ABCC9: variants seen among roughly 807,000 people sequenced by gnomAD.
The protein encoded by ABCC9 is ATP-binding cassette sub-family C member 9.
In ABCC9, 95 loss-of-function variants were observed where a neutral mutation model predicts 188.3. The ratio of observed to expected loss-of-function variants is 0.50; its 90% confidence interval spans 0.43 to 0.60. The LOEUF (loss-of-function observed/expected upper bound fraction) is 0.60. Among genes scored for constraint, ABCC9 ranks in the 20% least tolerant of loss-of-function variants. ABCC9 has a pLI of 0.00. For missense variants in ABCC9, 1,102 were observed against 1,876.3 expected (o/e 0.59, Z 7.62); for synonymous variants, 659 against 652.7 (o/e 1.01, Z -0.15).
intron 5 of ABCC9, among the ~76,000 whole-genome samples, chr12:21,919,613 A>G (rs1190283138): frequency 2.6e-5 from 4 of 152,080 alleles, no homozygotes; most frequent in Non-Finnish European, 5.9e-5. Context: ...CTAATACAGA[A>G]ATAAATTTAT....
In ABCC9 at chr12:21,801,421, A is replaced by G. The variant is rs541578123; in HGVS notation, c.4513-240T>C. Among the ~76,000 whole-genome samples, 32 of 152,328 alleles carry G rather than the reference A, an allele frequency of 2.1e-4. 1 individual carries two copies. In the South Asian group the frequency reaches 6.6e-3, roughly 32 times the overall value. The stretch of plus-strand genomic sequence containing the variant: ...GGGCTGTACTAACTTGAGTGTAGCT[A>G]ATATATCAGCGTCATCATTTTCATG... On this transcript the variant is annotated intron_variant, in intron 39 of 39. Transcript: ENST00000261200.
chr12:21,854,339 A>G (rs925094457), intron 22 of ABCC9, among the ~76,000 whole-genome samples: 3 of 152,240 alleles, frequency 2.0e-5, no homozygotes, highest in Non-Finnish European at 2.9e-5. Flanking sequence ...TAAAGCATTT[A>G]GGAGAATCCT....
intron 35 of ABCC9, 152 bp from the exon 36 acceptor site, chr12:21,812,309 G>T: frequency 1.5e-6 from 1 of 657,208 alleles, no homozygotes; most frequent in Non-Finnish European, 2.7e-6. Flanking sequence ...CAAGTATCTA[G>T]AACTAGAAAC....
At position 21,848,166 on chromosome 12, in the gene ABCC9, C is replaced by T; in HGVS notation, c.2850G>A (p.Met950Ile). 1 of 1,613,552 alleles carries T rather than the reference C, an allele frequency of 6.2e-7. No homozygotes were observed. Among genetic ancestry groups the T allele is most frequent in the Middle Eastern group, 1.7e-4 (1 of 6,058 alleles). ...AMYSREAKAQMEDEDEEEEEE... is the reference protein window; with the variant it reads ...AMYSREAKAQIEDEDEEEEEE... ...AAGATCTACCTTCGTCTTCGTCCTC[C>T]ATCTGGGCTTTGGCTTCTCTTGAAT... Residue 950 changes from methionine to isoleucine, a missense_variant, in exon 25 of 40, where the codon ATG (methionine) becomes ATA (isoleucine). This residue lies in a region of ABCC9 where 131 missense variants were observed against 170.2 expected (regional missense o/e 0.77). Transcript: ENST00000261200.
In ABCC9 at chr12:21,862,938, T is replaced by A. The variant is rs1375576220; in HGVS notation, c.2339+15A>T. The A allele has an allele frequency of 6.5e-7, 1 of 1,542,286 alleles. No homozygotes were observed. Among genetic ancestry groups the A allele is most frequent in the East Asian group, 2.2e-5 (1 of 44,466 alleles). On this transcript the variant is annotated intron_variant, in intron 20 of 39. Coordinates refer to ENST00000261200, the MANE Select transcript of ABCC9 (RefSeq NM_020297.4). ...GTTGCCATTTTGGTTCTAAATTTTATATGCTCAAAATTACCTCTGTTTGTT... is the reference window on the plus strand; with the variant it reads ...GTTGCCATTTTGGTTCTAAATTTTAAATGCTCAAAATTACCTCTGTTTGTT...
At position 21,801,125 on chromosome 12, in the gene ABCC9, A is replaced by G. The variant is rs727504538; in HGVS notation, c.4569T>C (p.Asn1523=). 26 of 1,613,892 alleles carry G rather than the reference A, an allele frequency of 1.6e-5. No homozygotes were observed. The highest frequency in any genetic ancestry group is 2.2e-5 in the Non-Finnish European group (26 of 1,179,940). ...ADLVIVMKRG[N]ILEYDTPESL... is the part of the protein sequence containing the mutation. ...TTTCTGGAGTGTCATATTCTAAAATATTTCCTCGCTTCATCACAATAACCA... is the reference window on the plus strand; with the variant it reads ...TTTCTGGAGTGTCATATTCTAAAATGTTTCCTCGCTTCATCACAATAACCA... Residue 1523 remains asparagine, a synonymous_variant, in exon 40 of 40, where the codon AAT becomes AAC. Transcript: ENST00000261200.
At chr12:21,936,807 T>C in intron 2 of ABCC9, 113 bp from the exon 3 acceptor site, 13 of 747,134 alleles carry the variant, frequency 1.7e-5, no homozygotes, top group Non-Finnish European at 2.7e-5. Context: ...CCTTTTACTT[T>C]GATAGCTGAG....
chr12:21,884,983 AT>A (rs1946801095), intron 15 of ABCC9, among the ~76,000 whole-genome samples: 1 of 152,184 alleles, frequency 6.6e-6, no homozygotes, highest in South Asian at 2.1e-4. Flanking sequence ...ATTCTGTAAC[AT>A]TATTGCCCCC....
chr12:21,803,839 C>T (rs1941655436), intron 39 of ABCC9, among the ~76,000 whole-genome samples: 1 of 152,004 alleles, frequency 6.6e-6, no homozygotes, highest in Non-Finnish European at 1.5e-5. Context: ...GAAATAAATA[C>T]CATGGACTAT....
chr12:21,932,989 CCAT>C (rs1949346626), intron 4 of ABCC9, among the ~76,000 whole-genome samples: 1 of 68,784 alleles, frequency 1.5e-5, no homozygotes, highest in Non-Finnish European at 3.5e-5. Flanking sequence ...ACCTAAATGT[CCAT>C]CAATGATAGA....
rs1211898030 is a variant in ABCC9 at position 21,805,303 on chromosome 12, G to A, written c.4512+695C>T. 3 of 1,554,400 alleles carry A rather than the reference G, an allele frequency of 1.9e-6. No individual in the cohort carries two copies. Among genetic ancestry groups the A allele is most frequent in the Non-Finnish European group, 1.8e-6 (2 of 1,126,154 alleles). On this transcript the variant is annotated intron_variant, in intron 39 of 39. Transcript: ENST00000261200. The stretch of plus-strand genomic sequence containing the variant: ...CAAGGCCTGCATCCATAATAGAAGA[G>A]ACACGGTGCTGGAGAGAAAAATAGA...
chr12:21,851,428 G>C (rs758072743), intron 24 of ABCC9, among the ~76,000 whole-genome samples: 1 of 152,016 alleles, frequency 6.6e-6, no homozygotes, highest in Non-Finnish European at 1.5e-5. Flanking sequence ...TACAACTTTA[G>C]GTAAGTTACT....
intron 14 of ABCC9, among the ~76,000 whole-genome samples, chr12:21,889,671 T>A (rs1459725558): frequency 6.6e-6 from 1 of 152,160 alleles, no homozygotes. Context: ...CCATTTCTAG[T>A]ATAGATACAA....
intron 20 of ABCC9, among the ~76,000 whole-genome samples, chr12:21,861,857 C>A (rs966645866): frequency 6.6e-6 from 1 of 152,100 alleles, no homozygotes; most frequent in Non-Finnish European, 1.5e-5. Context: ...CGCCCTTCCA[C>A]ACTGTCATGC....
intron 39 of ABCC9, chr12:21,805,418 T>G: frequency 9.4e-7 from 1 of 1,069,292 alleles, no homozygotes; most frequent in Non-Finnish European, 1.4e-6. Context: ...TGAGCAAGAA[T>G]CCACTTGCAA....
At chr12:21,808,742 G>A (rs532312297) in intron 37 of ABCC9, among the ~76,000 whole-genome samples, 6 of 141,114 alleles carry the variant, frequency 4.3e-5, no homozygotes, top group Admixed American at 7.5e-5. Flanking sequence ...AATAGCCACT[G>A]CACTCAAGTC....
chr12:21,850,996 G>T lies in ABCC9; in HGVS notation c.2769+1101C>A, dbSNP rs138083906. On this transcript the variant is annotated intron_variant, in intron 24 of 39. Coordinates refer to ENST00000261200, the MANE Select transcript of ABCC9 (RefSeq NM_020297.4). ...GTGTGGTTTGCTTTTGAGATCTTTAGCAAATCCAAAGAAGGTAGAGAAATC... is the reference window on the plus strand; with the variant it reads ...GTGTGGTTTGCTTTTGAGATCTTTATCAAATCCAAAGAAGGTAGAGAAATC... Among the ~76,000 whole-genome samples, 3 of 151,928 alleles carry T rather than the reference G, an allele frequency of 2.0e-5. No individual in the cohort carries two copies. In the South Asian group the frequency reaches 6.2e-4, roughly 32 times the overall value.
chr12:21,880,450 G>A lies in ABCC9; in HGVS notation c.2019+2316C>T, dbSNP rs144164663. Among the ~76,000 whole-genome samples the A allele has an allele frequency of 2.6e-5, 4 of 152,190 alleles. No individual in the cohort carries two copies. In the East Asian group the frequency reaches 7.7e-4, roughly 29 times the overall value. On this transcript the variant is annotated intron_variant, in intron 16 of 39. Coordinates refer to ENST00000261200, the MANE Select transcript of ABCC9 (RefSeq NM_020297.4). The stretch of plus-strand genomic sequence containing the variant: ...AATGAAAGATATCATAGAGTGGAAA[G>A]CCAAGTTACACAGAGTGGGAGAAGA...
intron 12 of ABCC9, among the ~76,000 whole-genome samples, chr12:21,900,278 G>C (rs1947670008): frequency 6.6e-6 from 1 of 152,092 alleles, no homozygotes; most frequent in Non-Finnish European, 1.5e-5. Context: ...GTAACAAACA[G>C]AAAGGACATC....
Sources: gnomAD v4.1 joint callset for allele counts (sites outside exome capture counted in the v4.1 genomes callset) on GRCh38, gnomAD v4.1.1 for gene constraint, gnomAD v4.1.1 regional missense constraint, MANE v1.5 for transcripts, NCBI Gene and HGNC (gene_info 2026-07-23, HGNC 2026-07-21) for gene names.